LRRC38: variants seen among roughly 807,000 people sequenced by gnomAD.
The protein encoded by LRRC38 is leucine rich repeat containing 38, also known as leucine-rich repeat-containing protein 38.
LRRC38 carries 5 observed loss-of-function variants against 16.4 expected under a neutral mutation model. That is an observed-to-expected ratio of 0.31 (90% CI 0.16 to 0.64). LRRC38 has a LOEUF of 0.64. LRRC38 is among the 30% of genes least tolerant of loss of function. The pLI, the probability that LRRC38 is intolerant of heterozygous loss-of-function variation, is 0.80. For synonymous variants in LRRC38, 191 were observed against 190.2 expected (o/e 1.00, Z -0.04); for missense variants, 341 against 401.8 (o/e 0.85, Z 1.29).
chr1:13,502,776 T>C (rs1005584345), intron 1 of LRRC38, among the ~76,000 whole-genome samples: 4 of 152,184 alleles, frequency 2.6e-5, no homozygotes, highest in African/African-American at 7.2e-5. Flanking sequence ...CCAGGGAAGT[T>C]AGGTGACCTG....
intron 1 of LRRC38, among the ~76,000 whole-genome samples, chr1:13,506,560 C>A (rs1043896702): frequency 4.6e-5 from 7 of 152,114 alleles, no homozygotes; most frequent in African/African-American, 1.7e-4. Flanking sequence ...CAGGTTCAAG[C>A]GATTCTCCTG....
At chr1:13,506,030 G>A (rs768799774) in intron 1 of LRRC38, among the ~76,000 whole-genome samples, 64 of 152,274 alleles carry the variant, frequency 4.2e-4, no homozygotes, top group South Asian at 8.3e-4. Context: ...CGAGCCTCTG[G>A]GGATTCAAGG....
intron 1 of LRRC38, among the ~76,000 whole-genome samples, chr1:13,483,944 C>A (rs866191720): frequency 2.4e-5 from 2 of 82,842 alleles, no homozygotes; most frequent in Non-Finnish European, 4.8e-5. Context: ...AGGGGAGGAG[C>A]GGGGAGGGGA....
At chr1:13,479,426 C>T (rs1018038770) in intron 1 of LRRC38, among the ~76,000 whole-genome samples, 1 of 152,210 alleles carries the variant, frequency 6.6e-6, no homozygotes, top group African/African-American at 2.4e-5. Context: ...CACAACCCAA[C>T]AACATAAGCC....
chr1:13,491,523 G>GT (rs1364905002), intron 1 of LRRC38, among the ~76,000 whole-genome samples: 1 of 152,056 alleles, frequency 6.6e-6, no homozygotes, highest in Non-Finnish European at 1.5e-5. Flanking sequence ...TAGAGATAGG[G>GT]TTTAGCCATG....
chr1:13,484,667 T>A (rs547733598), intron 1 of LRRC38, among the ~76,000 whole-genome samples: 1 of 152,350 alleles, frequency 6.6e-6, no homozygotes, highest in South Asian at 2.1e-4. Context: ...TTTCATGCTT[T>A]CCTCTCTTGG....
chr1:13,481,819 C>CAA (rs1638873852), intron 1 of LRRC38, among the ~76,000 whole-genome samples: 1 of 146,456 alleles, frequency 6.8e-6, no homozygotes. Flanking sequence ...CTCTCTCTCT[C>CAA]TCTCTCTGCC....
rs181864501 is a variant in LRRC38 at position 13,508,364 on chromosome 1, A to C, written c.631+4599T>G. Reference sequence around the variant, plus strand: ...GCACTGCCTACATACAAAAAATAAAAGGAAACAACCCACACTTCTAACAAC... The same window carrying C: ...GCACTGCCTACATACAAAAAATAAACGGAAACAACCCACACTTCTAACAAC... On this transcript the variant is annotated intron_variant, in intron 1 of 1. Transcript: ENST00000376085. Among the ~76,000 whole-genome samples, 488 of 152,278 alleles carry C rather than the reference A, an allele frequency of 3.2e-3. 5 individuals carry two copies. The highest frequency in any genetic ancestry group is 0.011 in the African/African-American group (463 of 41,592).
chr1:13,497,713 T>G (rs1220592931), intron 1 of LRRC38, among the ~76,000 whole-genome samples: 1 of 152,042 alleles, frequency 6.6e-6, no homozygotes, highest in Non-Finnish European at 1.5e-5. Context: ...CGGTGGCTCA[T>G]GCCTATAATC....
chr1:13,504,337 T>A (rs1453200877), intron 1 of LRRC38, among the ~76,000 whole-genome samples: 1 of 152,100 alleles, frequency 6.6e-6, no homozygotes, highest in Admixed American at 6.5e-5. Flanking sequence ...TGCCCAGCCC[T>A]GCCCCAGACC....
Position 13,513,485 on chromosome 1 carries a change from G to T in LRRC38, c.109C>A (p.Pro37Thr), listed in dbSNP as rs1326147972. The stretch of plus-strand genomic sequence containing the variant: ...CGGTCGCGGCAGTCCACGGTGTGCG[G>T]GTCGGTGCAGGCGCAGCCCGCGGGG... Reference protein sequence around the residue: ...ACPAGCACTDPHTVDCRDRGL... With the variant: ...ACPAGCACTDTHTVDCRDRGL... Residue 37 changes from proline to threonine, a missense_variant, in exon 1 of 2, where the codon CCG (proline) becomes ACG (threonine). Transcript: ENST00000376085. 4.0e-5 allele frequency: 61 copies of T among 1,536,450 alleles called. No individual in the cohort carries two copies. Among genetic ancestry groups the T allele is most frequent in the Non-Finnish European group, 5.3e-5 (60 of 1,140,490 alleles).
Position 13,482,094 on chromosome 1 carries a change from G to T in LRRC38, c.632-5995C>A, listed in dbSNP as rs909316822. Among the ~76,000 whole-genome samples, 14 of 152,202 alleles carry T rather than the reference G, an allele frequency of 9.2e-5. 1 individual carries two copies. The highest frequency in any genetic ancestry group is 1.5e-4 in the Non-Finnish European group (10 of 68,010). On this transcript the variant is annotated intron_variant, in intron 1 of 1. Coordinates refer to ENST00000376085, the MANE Select transcript of LRRC38 (RefSeq NM_001010847.2). ...TGGCTTCCTTTAATTCATGCATTAA[G>T]CAAAACAGGTGAGGCTTCATGCTAC...
At chr1:13,509,237 C>T (rs1487766929) in intron 1 of LRRC38, among the ~76,000 whole-genome samples, 3 of 152,138 alleles carry the variant, frequency 2.0e-5, no homozygotes, top group Non-Finnish European at 4.4e-5. Flanking sequence ...GAATCTCTTT[C>T]CTAGTGCTGT....
Position 13,475,529 on chromosome 1 carries a change from T to A in LRRC38, c.*317A>T. On this transcript the variant is annotated 3_prime_UTR_variant, in exon 2 of 2. Transcript: ENST00000376085. This position sits in a 1 kb window ranked among gnomAD's most constrained non-coding sequence, Gnocchi z 4.3. The stretch of plus-strand genomic sequence containing the variant: ...ATTGAAAGCTGCCAGTCTTCACATT[T>A]CCTGGGGGAGGCTTTTAGTCATCAG... 1 of 292,980 alleles carries A rather than the reference T, an allele frequency of 3.4e-6. No homozygotes were observed. Among genetic ancestry groups the A allele is most frequent in the Non-Finnish European group, 6.5e-6 (1 of 154,352 alleles). The allele number at this position is 292,980 out of a possible 1,614,324, so 18.1% of individuals were successfully genotyped here. A position where few individuals can be genotyped will look rare whatever the true frequency, so the allele number is the denominator to read the frequency against.
At position 13,513,381 on chromosome 1, in the gene LRRC38, G is replaced by A. The variant is rs771988041; in HGVS notation, c.213C>T (p.Ile71=). Residue 71 remains isoleucine (I), a synonymous_variant, in exon 1 of 2, where the codon ATC becomes ATT. Coordinates refer to ENST00000376085, the MANE Select transcript of LRRC38 (RefSeq NM_001010847.2). ...CGTAGAAGATGAAGAAGTCCTCGGGGATCCGCTGGATGCGGTTGCCGGCCA... is the reference window on the plus strand; with the variant it reads ...CGTAGAAGATGAAGAAGTCCTCGGGAATCCGCTGGATGCGGTTGCCGGCCA... ...LLVAGNRIQR[I]PEDFFIFYGD... The A allele has an allele frequency of 2.6e-6, 4 of 1,550,706 alleles. No individual in the cohort carries two copies. Among genetic ancestry groups the A allele is most frequent in the Non-Finnish European group, 2.6e-6 (3 of 1,146,986 alleles).
Position 13,513,135 on chromosome 1 carries a change from C to T in LRRC38, c.459G>A (p.Ser153=), listed in dbSNP as rs912095236. Residue 153 remains serine (S), a synonymous_variant, in exon 1 of 2, where the codon TCG becomes TCA. Coordinates refer to ENST00000376085, the MANE Select transcript of LRRC38 (RefSeq NM_001010847.2). ...VHEDAFETLE[S]LQVLELNDNN... Reference sequence around the variant, plus strand: ...TGTCGTTGAGCTCCAGCACCTGCAGCGACTCCAGGGTCTCGAAGGCGTCCT... The same window carrying T: ...TGTCGTTGAGCTCCAGCACCTGCAGTGACTCCAGGGTCTCGAAGGCGTCCT... 1 of 1,550,422 alleles carries T rather than the reference C, an allele frequency of 6.4e-7. No individual in the cohort carries two copies. Among genetic ancestry groups the T allele is most frequent in the Non-Finnish European group, 8.7e-7 (1 of 1,146,900 alleles).
rs1391288349 is a variant in LRRC38, at chr1:13,487,416, G to C, written c.632-11317C>G. Among the ~76,000 whole-genome samples, 1 of 152,184 alleles carries C rather than the reference G, an allele frequency of 6.6e-6. No individual in the cohort carries two copies. The highest frequency in any genetic ancestry group is 1.5e-5 in the Non-Finnish European group (1 of 68,036). On this transcript the variant is annotated intron_variant, in intron 1 of 1. Coordinates refer to ENST00000376085, the MANE Select transcript of LRRC38 (RefSeq NM_001010847.2). The surrounding 1 kb of genome is among the most constrained non-coding windows in gnomAD (Gnocchi z 4.4). Reference sequence around the variant, plus strand: ...TCCCCACAATAGGCAGGCTCAACTGGTGGGAAGTCAACTTCCCACCTTTCG... The same window carrying C: ...TCCCCACAATAGGCAGGCTCAACTGCTGGGAAGTCAACTTCCCACCTTTCG...
chr1:13,506,563 T>G (rs1007388222), intron 1 of LRRC38, among the ~76,000 whole-genome samples: 6 of 152,196 alleles, frequency 3.9e-5, no homozygotes, highest in Admixed American at 3.9e-4. Context: ...GTTCAAGCGA[T>G]TCTCCTGCCT....
chr1:13,479,642 G>A (rs2100489035), intron 1 of LRRC38, among the ~76,000 whole-genome samples: 1 of 152,352 alleles, frequency 6.6e-6, no homozygotes, highest in South Asian at 2.1e-4. Context: ...CAGGGGCGGG[G>A]ACTTTAGAAC....
Sources: gnomAD v4.1 joint callset for allele counts (sites outside exome capture counted in the v4.1 genomes callset) on GRCh38, gnomAD v4.1.1 for gene constraint, Gnocchi (gnomAD v3.1) non-coding constraint, MANE v1.5 for transcripts, NCBI Gene and HGNC (gene_info 2026-07-23, HGNC 2026-07-21) for gene names.